Variants in DNAH6 observed in about 807,000 individuals in gnomAD.
DNAH6 encodes the protein axonemal beta dynein heavy chain 6.
In DNAH6, 340 loss-of-function variants were observed where a neutral mutation model predicts 491.4. The observed-to-expected ratio is 0.69, with a 90% CI of 0.63 to 0.76. DNAH6 has a LOEUF of 0.76. DNAH6 is among the 30% of genes least tolerant of loss of function. DNAH6 has a pLI of 0.00. For synonymous variants in DNAH6, 1,603 were observed against 1,686.1 expected (o/e 0.95, Z 1.21); for missense variants, 4,443 against 4,972.2 (o/e 0.89, Z 3.20).
In DNAH6 at chr2:84,640,477, A is replaced by G. The variant is rs1689284424; in HGVS notation, c.4869A>G (p.Arg1623=). The part of the protein sequence containing the change: ...EGFESSKILA[R]KMTQMYKLCS... ...TTGAATCCAGTAAAATATTAGCAAG[A>G]AAAATGACTCAGATGTATAAGCTTT... Residue 1623 remains arginine (R), a synonymous_variant, in exon 32 of 77, where the codon AGA becomes AGG. Coordinates refer to ENST00000389394, the MANE Select transcript of DNAH6 (RefSeq NM_001370.2). 1 of 1,545,776 alleles carries G rather than the reference A, an allele frequency of 6.5e-7. No homozygotes were observed. Among genetic ancestry groups the G allele is most frequent in the Non-Finnish European group, 8.8e-7 (1 of 1,141,814 alleles).
At chr2:84,539,961 A>G (rs1298797790) in intron 4 of DNAH6, among the ~76,000 whole-genome samples, 1 of 152,206 alleles carries the variant, frequency 6.6e-6, no homozygotes, top group African/African-American at 2.4e-5. Context: ...TGATAAATGC[A>G]GAACTCAGGA....
At chr2:84,640,357 C>A in intron 31 of DNAH6, 73 bp from the exon 32 acceptor site, 2 of 912,546 alleles carry the variant, frequency 2.2e-6, no homozygotes, top group Non-Finnish European at 3.2e-6. Flanking sequence ...TCAATTTTGA[C>A]TATGTTGGTA....
chr2:84,787,077 A>G, intron 67 of DNAH6, 87 bp from the exon 68 acceptor site: 1 of 1,063,630 alleles, frequency 9.4e-7, no homozygotes, highest in Non-Finnish European at 1.3e-6. Context: ...CCCATTTTCA[A>G]TGGAAATTTC....
chr2:84,630,302 A>G (rs10196238), intron 29 of DNAH6, among the ~76,000 whole-genome samples: 29,323 of 152,164 alleles, frequency 0.19, 5,495 homozygotes, highest in African/African-American at 0.49. Context: ...GACGAATCAG[A>G]CTAGTAATCC....
At chr2:84,590,216 C>G (rs961548657) in intron 16 of DNAH6, among the ~76,000 whole-genome samples, 5 of 152,054 alleles carry the variant, frequency 3.3e-5, no homozygotes, top group African/African-American at 9.7e-5. Flanking sequence ...TACAACTTGG[C>G]TGGGCGCAGT....
chr2:84,478,412 G>T, the DNAH6 span, among the ~76,000 whole-genome samples: 1 of 152,082 alleles, frequency 6.6e-6, no homozygotes, highest in Non-Finnish European at 1.5e-5. Context: ...TGAGGACAAG[G>T]AACTTTCTGA....
At position 84,589,064 on chromosome 2, in the gene DNAH6, G is replaced by A. The variant is rs1006245; in HGVS notation, c.2610+110G>A. The A allele has an allele frequency of 0.016, 15,711 of 1,013,104 alleles. 1,638 individuals carry two copies. In the African/African-American group the frequency reaches 0.23, roughly 15 times the overall value. 62.8% of individuals were successfully genotyped at this position (1,013,104 alleles called of 1,614,324 possible). A position where few individuals can be genotyped will look rare whatever the true frequency, so the allele number is the denominator to read the frequency against. On this transcript the variant is annotated intron_variant, in intron 16 of 76. Coordinates refer to ENST00000389394, the MANE Select transcript of DNAH6 (RefSeq NM_001370.2). Reference sequence around the variant, plus strand: ...AAACATTCAATATTTGGACAACTATGTGCTAGTCAGCATGCTACAAATAGT... The same window carrying A: ...AAACATTCAATATTTGGACAACTATATGCTAGTCAGCATGCTACAAATAGT...
chr2:84,475,847 A>G, the DNAH6 span, among the ~76,000 whole-genome samples: 1 of 152,194 alleles, frequency 6.6e-6, no homozygotes, highest in East Asian at 1.9e-4. Flanking sequence ...GAACTGAAAG[A>G]AGGATATTTT....
At chr2:84,670,534 A>G in intron 39 of DNAH6, 59 bp downstream of exon 39, 1 of 1,124,006 alleles carries the variant, frequency 8.9e-7, no homozygotes, top group East Asian at 2.6e-5. Context: ...AATAAATGAC[A>G]TAAATAGTGC....
intron 60 of DNAH6, 89 bp from the exon 61 acceptor site, chr2:84,727,580 C>CATTT: frequency 3.9e-6 from 3 of 762,794 alleles, no homozygotes; most frequent in Non-Finnish European, 6.6e-6. Context: ...GCCATTTACT[C>CATTT]ACTGAATGCG....
chr2:84,551,805 TG>T (rs1679395456), intron 9 of DNAH6, among the ~76,000 whole-genome samples: 1 of 152,198 alleles, frequency 6.6e-6, no homozygotes, highest in Non-Finnish European at 1.5e-5. Context: ...CCCAGCACTT[TG>T]GGAGGCCAAG....
intron 62 of DNAH6, among the ~76,000 whole-genome samples, chr2:84,741,646 C>T (rs1030758123): frequency 1.1e-4 from 17 of 152,104 alleles, no homozygotes; most frequent in African/African-American, 4.1e-4. Flanking sequence ...CAGCAAGTAC[C>T]CTCTAGGGGG....
the DNAH6 span, among the ~76,000 whole-genome samples, chr2:84,499,701 G>A: frequency 1.3e-5 from 2 of 152,116 alleles, no homozygotes; most frequent in Non-Finnish European, 2.9e-5. Context: ...CCCAGAGTTT[G>A]TTATTGCCTA....
intron 40 of DNAH6, 92 bp downstream of exon 40, chr2:84,672,576 C>A: frequency 8.4e-7 from 1 of 1,192,398 alleles, no homozygotes; most frequent in African/African-American, 1.5e-5. Flanking sequence ...AACAAAGTAC[C>A]ACAGATGGGG....
intron 10 of DNAH6, among the ~76,000 whole-genome samples, chr2:84,554,733 C>T (rs1284019235): frequency 1.3e-5 from 2 of 152,212 alleles, no homozygotes. Flanking sequence ...ATTGGAAGCT[C>T]GCTTAGGAGC....
At chr2:84,765,363 G>C (rs115323165) in intron 64 of DNAH6, among the ~76,000 whole-genome samples, 1 of 151,950 alleles carries the variant, frequency 6.6e-6, no homozygotes, top group Admixed American at 6.6e-5. Flanking sequence ...TAACTTCATC[G>C]CTTTTGTGAC....
chr2:84,797,397 AG>A, intron 69 of DNAH6, 139 bp from the exon 70 acceptor site: 3 of 738,754 alleles, frequency 4.1e-6, no homozygotes, highest in Non-Finnish European at 6.4e-6. Flanking sequence ...AAAGCATGAA[AG>A]CTTAGGAAAA....
chr2:84,797,607 C>T lies in DNAH6; in HGVS notation c.11430C>T (p.Ile3810=), dbSNP rs1192395. The change falls in exon 70 of 77, where the codon ATC becomes ATT. Residue 3810 remains isoleucine, a synonymous_variant. Transcript: ENST00000389394. ...FKDYIENLPL[I]DDPEIFGMHE... ...ACTACATTGAAAATCTGCCTTTGATCGATGACCCAGAAATTTTTGGAATGC... is the reference window on the plus strand; with the variant it reads ...ACTACATTGAAAATCTGCCTTTGATTGATGACCCAGAAATTTTTGGAATGC... The T allele has an allele frequency of 0.12, 193,550 of 1,550,648 alleles. 12,634 individuals are homozygous for T. Among genetic ancestry groups the T allele is most frequent in the Admixed American group, 0.14 (7,226 of 50,960 alleles).
At chr2:84,593,879 A>C in intron 16 of DNAH6, 93 bp from the exon 17 acceptor site, 1 of 610,618 alleles carries the variant, frequency 1.6e-6, no homozygotes, top group South Asian at 3.1e-5. Flanking sequence ...TCTTCCAAGC[A>C]ATCACTGTAC....
Sources: gnomAD v4.1 joint callset for allele counts (sites outside exome capture counted in the v4.1 genomes callset) on GRCh38, gnomAD v4.1.1 for gene constraint, MANE v1.5 for transcripts, NCBI Gene and HGNC (gene_info 2026-07-23, HGNC 2026-07-21) for gene names.